Variants in PPARG observed in about 807,000 individuals in gnomAD.
PPARG encodes peroxisome proliferator activated receptor gamma.
Under a neutral mutation model 39.2 loss-of-function variants are expected in PPARG, and 17 were observed. That is an observed-to-expected ratio of 0.43 (90% CI 0.30 to 0.65). The LOEUF is 0.65. PPARG is among the 30% of genes least tolerant of loss of function. The probability of loss-of-function intolerance (pLI) is 0.13; values close to 1 mark genes in which losing one functional copy is unlikely to be tolerated. For synonymous variants in PPARG, 223 were observed against 215.7 expected (o/e 1.03, Z -0.30); for missense variants, 406 against 585.9 (o/e 0.69, Z 3.17).
intron 2 of PPARG, among the ~76,000 whole-genome samples, chr3:12,334,571 G>C (rs535797872): frequency 6.6e-6 from 1 of 152,144 alleles, no homozygotes; most frequent in African/African-American, 2.4e-5. Context: ...TTTACTCCCT[G>C]GTTGAATGAT....
chr3:12,334,848 A>G (rs2047965614), intron 2 of PPARG, among the ~76,000 whole-genome samples: 2 of 152,150 alleles, frequency 1.3e-5, no homozygotes, highest in South Asian at 2.1e-4. Flanking sequence ...CTAGGTCAAT[A>G]CATTTTAACA....
At chr3:12,372,563 A>G (rs963729396) in intron 2 of PPARG, among the ~76,000 whole-genome samples, 5 of 152,222 alleles carry the variant, frequency 3.3e-5, no homozygotes, top group Non-Finnish European at 7.3e-5. Flanking sequence ...AGTATTAGCT[A>G]ATGTAAATAT....
intron 1 of PPARG, among the ~76,000 whole-genome samples, chr3:12,302,342 A>C (rs2046948735): frequency 6.6e-6 from 1 of 152,214 alleles, no homozygotes; most frequent in Admixed American, 6.5e-5. Context: ...ATGAGTTGCC[A>C]GGGGCTGAAG....
chr3:12,328,182 A>G (rs766528639), intron 2 of PPARG: 12 of 1,363,316 alleles, frequency 8.8e-6, no homozygotes, highest in Non-Finnish European at 1.3e-5. Flanking sequence ...AGAAAAAATT[A>G]AAGAACTAGA....
chr3:12,411,239 C>G (rs1463596177), intron 6 of PPARG, among the ~76,000 whole-genome samples: 2 of 151,968 alleles, frequency 1.3e-5, no homozygotes, highest in Non-Finnish European at 2.9e-5. Context: ...TGGCCAATAC[C>G]CTTGTTTGCC....
chr3:12,407,377 G>A (rs1313439393), intron 6 of PPARG, among the ~76,000 whole-genome samples: 1 of 152,162 alleles, frequency 6.6e-6, no homozygotes, highest in Non-Finnish European at 1.5e-5. Flanking sequence ...TGGCCAGGAT[G>A]GTCTTGATCT....
chr3:12,334,243 T>G (rs1479156550), intron 2 of PPARG, among the ~76,000 whole-genome samples: 1 of 151,268 alleles, frequency 6.6e-6, no homozygotes, highest in Non-Finnish European at 1.5e-5. Context: ...CTTTTTTTTT[T>G]TCTTTGAGAC....
chr3:12,322,151 A>G (rs2047564476), intron 2 of PPARG, among the ~76,000 whole-genome samples: 1 of 152,256 alleles, frequency 6.6e-6, no homozygotes, highest in African/African-American at 2.4e-5. Flanking sequence ...ATCCATAAAA[A>G]TACATAGATC....
intron 6 of PPARG, among the ~76,000 whole-genome samples, chr3:12,413,844 G>A (rs2050967839): frequency 6.6e-6 from 1 of 150,908 alleles, no homozygotes; most frequent in Non-Finnish European, 1.5e-5. Flanking sequence ...AAAATGAAAT[G>A]GTTTGGCATG....
intron 7 of PPARG, among the ~76,000 whole-genome samples, chr3:12,423,481 G>A (rs955962830): frequency 6.6e-6 from 1 of 152,140 alleles, no homozygotes; most frequent in African/African-American, 2.4e-5. Flanking sequence ...AAATGGAAAG[G>A]GTCGTCTTCT....
intron 2 of PPARG, chr3:12,328,246 G>C: frequency 6.6e-7 from 1 of 1,524,858 alleles, no homozygotes; most frequent in Non-Finnish European, 9.0e-7. Context: ...AACAACATCC[G>C]GGAGATGCTG....
At chr3:12,369,701 CTG>C (rs1462839941) in intron 2 of PPARG, among the ~76,000 whole-genome samples, 1 of 152,122 alleles carries the variant, frequency 6.6e-6, no homozygotes, top group Admixed American at 6.6e-5. Flanking sequence ...ATTGTAGTAA[CTG>C]AAAGTGCTGC....
intron 4 of PPARG, among the ~76,000 whole-genome samples, chr3:12,385,774 G>A (rs1040410275): frequency 2.6e-5 from 4 of 152,104 alleles, no homozygotes; most frequent in Non-Finnish European, 5.9e-5. Context: ...CCTGCCAGTC[G>A]TAGCTTATTA....
At chr3:12,357,388 C>T (rs759149725) in intron 2 of PPARG, among the ~76,000 whole-genome samples, 5 of 152,122 alleles carry the variant, frequency 3.3e-5, no homozygotes, top group Non-Finnish European at 7.3e-5. Context: ...GCTCTTGTTC[C>T]TGTCCAGGAC....
rs548736562 is a variant in PPARG, at chr3:12,418,656, A to G, written c.1180+1502A>G. ...CTCACAACAATTCAGGGAAGTAAGG[A>G]CCATTTTACAAATGAGGAAACCAAA... is the stretch of plus-strand genomic sequence containing the variant. On this transcript the variant is annotated intron_variant, in intron 7 of 7. Coordinates refer to ENST00000651735, the MANE Select transcript of PPARG (RefSeq NM_138711.6). 1.3e-4 allele frequency among the ~76,000 whole-genome samples: 20 copies of G among 152,286 alleles called. 1 individual carries two copies. The highest frequency in any genetic ancestry group is 4.8e-4 in the African/African-American group (20 of 41,560).
chr3:12,328,099 G>A (rs914416333), intron 2 of PPARG: 4 of 1,424,510 alleles, frequency 2.8e-6, no homozygotes, highest in Non-Finnish European at 4.0e-6. Context: ...GTATGAAGGT[G>A]TAGGAAGAAT....
At chr3:12,428,356 G>T (rs190190626) in intron 7 of PPARG, among the ~76,000 whole-genome samples, 184 of 152,322 alleles carry the variant, frequency 1.2e-3, no homozygotes, top group African/African-American at 4.3e-3. Context: ...ATTGACTCCA[G>T]CCTCCTCGAG....
intron 5 of PPARG, chr3:12,399,538 G>A: frequency 2.7e-6 from 1 of 363,956 alleles, no homozygotes. Context: ...AGTGAGCCAA[G>A]ATCACACTAC....
intron 2 of PPARG, among the ~76,000 whole-genome samples, chr3:12,316,216 C>T (rs921743081): frequency 1.3e-5 from 2 of 152,056 alleles, no homozygotes; most frequent in Admixed American, 6.6e-5. Flanking sequence ...TGAAAATGAG[C>T]GGTCTAAATT....
Sources: gnomAD v4.1 joint callset for allele counts (sites outside exome capture counted in the v4.1 genomes callset) on GRCh38, gnomAD v4.1.1 for gene constraint, MANE v1.5 for transcripts, NCBI Gene and HGNC (gene_info 2026-07-23, HGNC 2026-07-21) for gene names.